Variants in CNTN6 observed in about 807,000 individuals in gnomAD.
The protein encoded by CNTN6 is contactin 6.
CNTN6 carries 137 observed loss-of-function variants against 122.8 expected under a neutral mutation model. That is an observed-to-expected ratio of 1.12 (90% CI 0.97 to 1.29). The LOEUF (loss-of-function observed/expected upper bound fraction) is 1.29, where lower values mean the gene tolerates loss of function less well. Among genes scored for constraint, CNTN6 ranks in the 50% most tolerant of loss-of-function variants. CNTN6 has a pLI of 0.00. For synonymous variants in CNTN6, 570 were observed against 426.0 expected (o/e 1.34, Z -4.16); for missense variants, 1,634 against 1,223.4 (o/e 1.34, Z -5.01).
chr3:1,168,390 G>C (rs2093298895), intron 2 of CNTN6, among the ~76,000 whole-genome samples: 1 of 147,944 alleles, frequency 6.8e-6, no homozygotes, highest in Admixed American at 6.9e-5. Context: ...GTATGACTGA[G>C]ACTCTGTATA....
chr3:1,361,132 G>A (rs1296866957), intron 12 of CNTN6, among the ~76,000 whole-genome samples: 1 of 151,984 alleles, frequency 6.6e-6, no homozygotes, highest in African/African-American at 2.4e-5. Context: ...AAATATTTTT[G>A]GTTTTCACAA....
chr3:1,267,003 AC>A (rs1366870150), intron 4 of CNTN6, among the ~76,000 whole-genome samples: 2 of 125,252 alleles, frequency 1.6e-5, no homozygotes, highest in East Asian at 4.7e-4. Context: ...GTAACCTGCG[AC>A]CCCCAGGTTC....
intron 12 of CNTN6, among the ~76,000 whole-genome samples, chr3:1,353,809 C>A (rs1706077534): frequency 6.6e-6 from 1 of 151,192 alleles, no homozygotes; most frequent in South Asian, 2.1e-4. Flanking sequence ...GATAAAAAGG[C>A]ATTTTGCAGT....
At chr3:1,200,041 A>G (rs1050785044) in intron 2 of CNTN6, among the ~76,000 whole-genome samples, 6 of 152,124 alleles carry the variant, frequency 3.9e-5, no homozygotes, top group African/African-American at 1.4e-4. Flanking sequence ...ACATATATAT[A>G]TGTCTTTTTT....
At chr3:1,102,321 G>A (rs1007504348) in intron 1 of CNTN6, among the ~76,000 whole-genome samples, 10 of 152,188 alleles carry the variant, frequency 6.6e-5, no homozygotes, top group Admixed American at 5.2e-4. Context: ...GAAAGAACAT[G>A]ATTTTCCTCT....
chr3:1,125,659 G>C (rs1208212927), intron 1 of CNTN6, among the ~76,000 whole-genome samples: 1 of 151,588 alleles, frequency 6.6e-6, no homozygotes, highest in Non-Finnish European at 1.5e-5. Context: ...CAGAGTGTCA[G>C]CTACTAGATG....
intron 5 of CNTN6, among the ~76,000 whole-genome samples, chr3:1,280,497 C>T (rs1693204212): frequency 4.9e-5 from 2 of 41,140 alleles, no homozygotes; most frequent in Middle Eastern, 0.02. Flanking sequence ...TAGCATCTCG[C>T]TCTGTCTCCC....
intron 12 of CNTN6, among the ~76,000 whole-genome samples, chr3:1,362,546 G>T (rs1707615994): frequency 6.6e-6 from 1 of 151,994 alleles, no homozygotes; most frequent in East Asian, 1.9e-4. Flanking sequence ...CACAAGGATA[G>T]CTATAACAGA....
In CNTN6 at chr3:1,325,826, T is replaced by C; in HGVS notation, c.958T>C (p.Trp320Arg). The C allele has an allele frequency of 6.2e-7, 1 of 1,610,236 alleles. No individual in the cohort carries two copies. Among genetic ancestry groups the C allele is most frequent in the Non-Finnish European group, 8.5e-7 (1 of 1,178,148 alleles). The change falls in exon 9 of 23, where the codon TGG becomes CGG. Residue 320 changes from tryptophan to arginine, a missense_variant. Transcript: ENST00000446702. Reference sequence around the variant, plus strand: ...CCTTTTTGAAACAGCTCCTCCAGAATGGGAACAGAAAATCCAAAATACACA... The same window carrying C: ...CCTTTTTGAAACAGCTCCTCCAGAACGGGAACAGAAAATCCAAAATACACA... ...GQLIFYAPPE[W>R]EQKIQNTHLS...
intron 16 of CNTN6, among the ~76,000 whole-genome samples, chr3:1,376,122 G>A (rs999671152): frequency 6.6e-6 from 1 of 152,130 alleles, no homozygotes; most frequent in Admixed American, 6.6e-5. Context: ...CTGATTTAGC[G>A]ATTATCACAG....
intron 2 of CNTN6, among the ~76,000 whole-genome samples, chr3:1,174,365 A>G (rs892054256): frequency 2.0e-5 from 3 of 152,152 alleles, no homozygotes; most frequent in South Asian, 4.1e-4. Context: ...TCACGTTAAG[A>G]GTTATTTTGT....
In CNTN6 at chr3:1,097,895, A is replaced by G. The variant is rs181798269; in HGVS notation, c.-83+4775A>G. On this transcript the variant is annotated intron_variant, in intron 1 of 22. Transcript: ENST00000446702. ...TGAAAAGACTAAAATTATAATTATC[A>G]TCTAATCAATTGTATTGGGTATTTA... Among the ~76,000 whole-genome samples, 32 of 152,288 alleles carry G rather than the reference A, an allele frequency of 2.1e-4. No individual in the cohort carries two copies. In the East Asian group the frequency reaches 6.2e-3, roughly 29 times the overall value.
At chr3:1,177,658 T>C (rs1575130904) in intron 2 of CNTN6, among the ~76,000 whole-genome samples, 1 of 152,162 alleles carries the variant, frequency 6.6e-6, no homozygotes, top group African/African-American at 2.4e-5. Flanking sequence ...TCACTGGGTA[T>C]AGAACTGTGG....
At chr3:1,171,264 T>A (rs999755650) in intron 2 of CNTN6, among the ~76,000 whole-genome samples, 2 of 152,210 alleles carry the variant, frequency 1.3e-5, no homozygotes, top group African/African-American at 4.8e-5. Flanking sequence ...TGACCATAGA[T>A]CAAACTCCAA....
rs115755150 is a variant in CNTN6 at position 1,381,446 on chromosome 3, G to A, written c.2167-1496G>A. Among the ~76,000 whole-genome samples the A allele has an allele frequency of 3.3e-5, 5 of 152,032 alleles. No homozygotes were observed. The East Asian group carries it at 9.7e-4, about 29-fold the overall frequency. On this transcript the variant is annotated intron_variant, in intron 17 of 22. Coordinates refer to ENST00000446702, the MANE Select transcript of CNTN6 (RefSeq NM_001289080.2). ...GCTCAGGTCATCTCGGGTAATGGGGGTTTATTTTAAAGCTACATGGGAAGT... is the reference window on the plus strand; with the variant it reads ...GCTCAGGTCATCTCGGGTAATGGGGATTTATTTTAAAGCTACATGGGAAGT...
intron 2 of CNTN6, among the ~76,000 whole-genome samples, chr3:1,203,416 C>T (rs899117057): frequency 6.6e-6 from 1 of 152,138 alleles, no homozygotes; most frequent in African/African-American, 2.4e-5. Flanking sequence ...TCACAAAGGG[C>T]AAATCTTTTC....
At chr3:1,193,738 C>A (rs1365331698) in intron 2 of CNTN6, among the ~76,000 whole-genome samples, 1 of 152,014 alleles carries the variant, frequency 6.6e-6, no homozygotes, top group Non-Finnish European at 1.5e-5. Flanking sequence ...TTTGTTCAAC[C>A]TTATTTGTAT....
At chr3:1,097,940 G>A (rs1312261117) in intron 1 of CNTN6, among the ~76,000 whole-genome samples, 1 of 152,100 alleles carries the variant, frequency 6.6e-6, no homozygotes, top group African/African-American at 2.4e-5. Context: ...TAAATTTGGA[G>A]TGTAAATCAT....
chr3:1,317,882 G>T (rs1700311094), intron 7 of CNTN6, among the ~76,000 whole-genome samples: 1 of 138,668 alleles, frequency 7.2e-6, no homozygotes, highest in Non-Finnish European at 1.6e-5. Context: ...AAATAAAAAT[G>T]CAGGTTAAAA....
Sources: allele counts gnomAD v4.1 joint callset (sites outside exome capture counted in the v4.1 genomes callset), GRCh38; gene constraint gnomAD v4.1.1; transcripts MANE v1.5; gene names NCBI Gene and HGNC (gene_info 2026-07-23, HGNC 2026-07-21).